Variants in PRPSAP2 observed in about 807,000 individuals in gnomAD.
The protein encoded by PRPSAP2 is phosphoribosyl pyrophosphate synthetase associated protein 2.
A neutral mutation model predicts 40.6 loss-of-function variants in PRPSAP2; 24 were observed. The observed-to-expected ratio is 0.59, with a 90% CI of 0.43 to 0.83. The LOEUF is 0.83. Ranked by LOEUF, PRPSAP2 falls within the 40% of genes least tolerant of loss-of-function variation. The pLI is 0.00. For synonymous variants in PRPSAP2, 149 were observed against 164.7 expected (o/e 0.90, Z 0.73); for missense variants, 292 against 465.6 (o/e 0.63, Z 3.43).
intron 1 of PRPSAP2, among the ~76,000 whole-genome samples, chr17:18,858,902 A>C (rs541767382): frequency 6.6e-6 from 1 of 152,086 alleles, no homozygotes; most frequent in Non-Finnish European, 1.5e-5. Flanking sequence ...CACAAATAGA[A>C]ATAATTCACC....
upstream of PRPSAP2, among the ~76,000 whole-genome samples, chr17:18,857,580 A>ATT (rs35569332): frequency 0.43 from 60,569 of 142,064 alleles, 13,044 homozygotes; most frequent in Middle Eastern, 0.49. Flanking sequence ...CGCCTGGCTA[A>ATT]TTTTTTTTTT....
At chr17:18,901,850 C>T (rs950600682) in intron 8 of PRPSAP2, among the ~76,000 whole-genome samples, 1 of 152,130 alleles carries the variant, frequency 6.6e-6, no homozygotes, top group Non-Finnish European at 1.5e-5. Flanking sequence ...GGTACAACCA[C>T]GGCTCACTGT....
In PRPSAP2 at chr17:18,893,297, C is replaced by T. The variant is rs541523967; in HGVS notation, c.584+3420C>T. Among the ~76,000 whole-genome samples the T allele has an allele frequency of 2.4e-4, 37 of 151,912 alleles. No homozygotes were observed. The East Asian group carries it at 4.1e-3, about 17-fold the overall frequency. The stretch of plus-strand genomic sequence containing the variant: ...CTGAGTAGCTGGGATTACAGGTGCC[C>T]GCCACCACACCCGGCTAATTTTTTG... On this transcript the variant is annotated intron_variant, in intron 8 of 11. Coordinates refer to ENST00000268835, the MANE Select transcript of PRPSAP2 (RefSeq NM_002767.4).
At position 18,897,585 on chromosome 17, in the gene PRPSAP2, C is replaced by G. The variant is rs190849818; in HGVS notation, c.584+7708C>G. ...CAAGCGATTCTCCTGTCTCAGCCTCCTGAGTAGCTGGGATTACAGGCTCCC... is the reference window on the plus strand; with the variant it reads ...CAAGCGATTCTCCTGTCTCAGCCTCGTGAGTAGCTGGGATTACAGGCTCCC... On this transcript the variant is annotated intron_variant, in intron 8 of 11. Coordinates refer to ENST00000268835, the MANE Select transcript of PRPSAP2 (RefSeq NM_002767.4). Among the ~76,000 whole-genome samples, 1,041 of 152,160 alleles carry G rather than the reference C, an allele frequency of 6.8e-3. 19 individuals carry two copies. The highest frequency in any genetic ancestry group is 6.1e-3 in the Non-Finnish European group (415 of 68,006).
At position 18,897,453 on chromosome 17, in the gene PRPSAP2, G is replaced by T. The variant is rs59682951; in HGVS notation, c.584+7576G>T. Among the ~76,000 whole-genome samples, 200 of 150,596 alleles carry T rather than the reference G, an allele frequency of 1.3e-3. 1 individual carries two copies. Among genetic ancestry groups the T allele is most frequent in the Non-Finnish European group, 1.8e-3 (122 of 67,678 alleles). ...TCTAGAGTGGTGCTTCTCTATAGTG[G>T]TGTTGTTGTTGTTGTTGTTGTTGTT... On this transcript the variant is annotated intron_variant, in intron 8 of 11. Transcript: ENST00000268835.
intron 9 of PRPSAP2, among the ~76,000 whole-genome samples, chr17:18,918,560 T>C (rs2041497449): frequency 6.6e-6 from 1 of 152,178 alleles, no homozygotes; most frequent in Non-Finnish European, 1.5e-5. Context: ...TACACTCGTG[T>C]CCTAGAAGGC....
At chr17:18,867,812 A>G (rs2037539001) in intron 4 of PRPSAP2, among the ~76,000 whole-genome samples, 1 of 152,150 alleles carries the variant, frequency 6.6e-6, no homozygotes, top group African/African-American at 2.4e-5. Context: ...TCATTACATA[A>G]TTCTCCCAAG....
At chr17:18,872,526 T>C in intron 4 of PRPSAP2, 57 bp from the exon 5 acceptor site, 2 of 1,350,560 alleles carry the variant, frequency 1.5e-6, no homozygotes, top group Non-Finnish European at 2.1e-6. Context: ...TTTTTGTGTA[T>C]TTTGAAAAAT....
intron 6 of PRPSAP2, among the ~76,000 whole-genome samples, chr17:18,882,032 G>A (rs2038792085): frequency 6.7e-6 from 1 of 149,824 alleles, no homozygotes; most frequent in Admixed American, 6.7e-5. Flanking sequence ...GTAAAGATGG[G>A]GTTTCATCAT....
chr17:18,914,475 G>A (rs945703142), intron 9 of PRPSAP2, among the ~76,000 whole-genome samples: 10 of 150,324 alleles, frequency 6.7e-5, no homozygotes, highest in African/African-American at 2.4e-4. Context: ...GCCTAGGTTG[G>A]TCACAAACTC....
At chr17:18,858,780 T>G (rs1419444558) in intron 1 of PRPSAP2, among the ~76,000 whole-genome samples, 1 of 152,136 alleles carries the variant, frequency 6.6e-6, no homozygotes, top group African/African-American at 2.4e-5. Flanking sequence ...AATTTTTCTC[T>G]TATGTTAATG....
intron 8 of PRPSAP2, among the ~76,000 whole-genome samples, chr17:18,895,991 A>G (rs994253045): frequency 6.6e-6 from 1 of 152,158 alleles, no homozygotes; most frequent in Admixed American, 6.6e-5. Context: ...ACTGGTCTCA[A>G]ACTCCTGGCC....
intron 6 of PRPSAP2, among the ~76,000 whole-genome samples, chr17:18,878,755 C>T (rs540979185): frequency 1.3e-5 from 2 of 152,332 alleles, no homozygotes; most frequent in East Asian, 1.9e-4. Context: ...CAGGGTTTCT[C>T]CATGTTGGTC....
intron 7 of PRPSAP2, among the ~76,000 whole-genome samples, chr17:18,886,929 C>CTTTTTTTTTTTTTT (rs71155365): frequency 2.1e-4 from 16 of 75,370 alleles, no homozygotes; most frequent in Non-Finnish European, 2.6e-4. Flanking sequence ...TTCTTTTCTT[C>CTTTTTTTTTTTTTT]TTTTTTTTTT....
chr17:18,921,732 C>T lies in PRPSAP2; in HGVS notation c.734-2182C>T, dbSNP rs574443248. On this transcript the variant is annotated intron_variant, in intron 9 of 11. Coordinates refer to ENST00000268835, the MANE Select transcript of PRPSAP2 (RefSeq NM_002767.4). The stretch of plus-strand genomic sequence containing the variant: ...GTAGGGTGGTCCCTTGCAGCATAAA[C>T]GTGTCTGGCCCAAGATCTCAGCAGT... 1.6e-3 allele frequency among the ~76,000 whole-genome samples: 251 copies of T among 152,264 alleles called. 1 individual carries two copies. Among genetic ancestry groups the T allele is most frequent in the African/African-American group, 5.8e-3 (243 of 41,552 alleles).
At chr17:18,862,661 AT>A (rs1273569162) in intron 1 of PRPSAP2, among the ~76,000 whole-genome samples, 2 of 152,180 alleles carry the variant, frequency 1.3e-5, no homozygotes, top group African/African-American at 2.4e-5. Flanking sequence ...TAGATAACTT[AT>A]GCAAGTCCTC....
At chr17:18,889,482 G>T (rs984890576) in intron 7 of PRPSAP2, among the ~76,000 whole-genome samples, 1 of 152,150 alleles carries the variant, frequency 6.6e-6, no homozygotes, top group East Asian at 1.9e-4. Flanking sequence ...CTTGTATTCA[G>T]ATTGAATTGG....
intron 1 of PRPSAP2, among the ~76,000 whole-genome samples, chr17:18,861,945 T>G (rs1274195701): frequency 6.6e-6 from 1 of 152,170 alleles, no homozygotes; most frequent in African/African-American, 2.4e-5. Flanking sequence ...TGGCGTGCAG[T>G]GGTGCAGTCT....
intron 9 of PRPSAP2, among the ~76,000 whole-genome samples, chr17:18,920,926 T>C (rs2151967654): frequency 6.6e-6 from 1 of 151,718 alleles, no homozygotes; most frequent in South Asian, 2.1e-4. Context: ...TGCATGTTGC[T>C]GCCTCCTTCT....
Sources: gnomAD v4.1 joint callset for allele counts (sites outside exome capture counted in the v4.1 genomes callset) on GRCh38, gnomAD v4.1.1 for gene constraint, MANE v1.5 for transcripts, NCBI Gene and HGNC (gene_info 2026-07-23, HGNC 2026-07-21) for gene names.